CUEDC1: variants seen among roughly 807,000 people sequenced by gnomAD.
CUEDC1 encodes the protein CUE domain containing 1, also known as CUE domain-containing protein 1.
In CUEDC1, 30 loss-of-function variants were observed where a neutral mutation model predicts 43.7. The observed-to-expected ratio is 0.69, with a 90% CI of 0.51 to 0.93. The LOEUF (loss-of-function observed/expected upper bound fraction) is 0.93, where lower values mean the gene tolerates loss of function less well. CUEDC1 is among the 40% of genes least tolerant of loss of function. The pLI, the probability that CUEDC1 is intolerant of heterozygous loss-of-function variation, is 0.00. For missense variants in CUEDC1, 486 were observed against 549.0 expected, an observed-to-expected ratio of 0.89 and a Z score of 1.15; for synonymous variants, 223 against 223.6, an observed-to-expected ratio of 1.00 and a Z score of 0.02.
intron 1 of CUEDC1, among the ~76,000 whole-genome samples, chr17:57,891,740 C>A (rs930874992): frequency 6.6e-6 from 1 of 152,204 alleles, no homozygotes; most frequent in Non-Finnish European, 1.5e-5. Context: ...CCAACTGCTA[C>A]GTTCTGCTCC....
intron 1 of CUEDC1, among the ~76,000 whole-genome samples, chr17:57,939,846 C>T (rs542724755): frequency 6.6e-6 from 1 of 152,262 alleles, no homozygotes; most frequent in Admixed American, 6.5e-5. Context: ...GGGGCCATAC[C>T]ACCTGGTGCA....
At chr17:57,935,694 T>G (rs1040612015) in intron 1 of CUEDC1, among the ~76,000 whole-genome samples, 1 of 151,862 alleles carries the variant, frequency 6.6e-6, no homozygotes, top group Non-Finnish European at 1.5e-5. Flanking sequence ...TTACCCCGGG[T>G]GCAGCCAGGG....
chr17:57,884,018 C>T (rs1007866921), intron 2 of CUEDC1, among the ~76,000 whole-genome samples: 5 of 152,020 alleles, frequency 3.3e-5, no homozygotes, highest in African/African-American at 1.2e-4. Context: ...CAGGTGGGTA[C>T]TGATGCAGTA....
At chr17:57,895,866 C>G (rs1370441384) in intron 1 of CUEDC1, among the ~76,000 whole-genome samples, 1 of 152,224 alleles carries the variant, frequency 6.6e-6, no homozygotes, top group Non-Finnish European at 1.5e-5. Flanking sequence ...TGAGCTCATA[C>G]TGGACCAGGC....
intron 1 of CUEDC1, among the ~76,000 whole-genome samples, chr17:57,891,830 C>G (rs1404046804): frequency 1.3e-5 from 2 of 152,194 alleles, no homozygotes; most frequent in Non-Finnish European, 2.9e-5. Flanking sequence ...AAGTCCACCC[C>G]CCAACATCCC....
At chr17:57,882,990 C>A (rs1403888453) in intron 2 of CUEDC1, among the ~76,000 whole-genome samples, 3 of 152,054 alleles carry the variant, frequency 2.0e-5, no homozygotes, top group Non-Finnish European at 4.4e-5. Context: ...GGATTCACTG[C>A]CCCTAACCCC....
intron 1 of CUEDC1, among the ~76,000 whole-genome samples, chr17:57,939,999 A>G (rs922954546): frequency 4.0e-5 from 6 of 151,200 alleles, no homozygotes; most frequent in African/African-American, 1.5e-4. Flanking sequence ...CAATTCCCCT[A>G]TGGCTTCAAA....
intron 2 of CUEDC1, among the ~76,000 whole-genome samples, chr17:57,882,493 C>G (rs1232233722): frequency 1.3e-5 from 2 of 152,198 alleles, no homozygotes; most frequent in African/African-American, 4.8e-5. Flanking sequence ...ACCTGCCAGA[C>G]TGTCAGGGCA....
Position 57,885,704 on chromosome 17 carries a change from A to G in CUEDC1, c.-140T>C. 3 of 1,278,680 alleles carry G rather than the reference A, an allele frequency of 2.3e-6. No individual in the cohort carries two copies. Among genetic ancestry groups the G allele is most frequent in the Non-Finnish European group, 3.0e-6 (3 of 1,008,886 alleles). 79.2% of individuals were successfully genotyped at this position (1,278,680 alleles called of 1,614,324 possible). A position where few individuals can be genotyped will look rare whatever the true frequency, so the allele number is the denominator to read the frequency against. On this transcript the variant is annotated 5_prime_UTR_variant, in exon 2 of 11. Coordinates refer to ENST00000577830, the MANE Select transcript of CUEDC1 (RefSeq NM_001271875.2). ...CCTCCTCCTCCCCGGGTAGCCAGGC[A>G]GCAATGGGCTGCCAAGAGCTCCGGG...
chr17:57,865,058 AAATG>A (rs140245915), intron 10 of CUEDC1, among the ~76,000 whole-genome samples: 22,809 of 151,590 alleles, frequency 0.15, 1,857 homozygotes, highest in South Asian at 0.2. Flanking sequence ...CTCTGTCTCA[AAATG>A]AATGAATGAA....
intron 1 of CUEDC1, among the ~76,000 whole-genome samples, chr17:57,926,074 G>A (rs1476400765): frequency 6.6e-6 from 1 of 152,210 alleles, no homozygotes; most frequent in African/African-American, 2.4e-5. Context: ...GGGATAACTA[G>A]AGAACTTCCT....
intron 2 of CUEDC1, among the ~76,000 whole-genome samples, chr17:57,881,707 G>A (rs1223710274): frequency 6.6e-6 from 1 of 152,170 alleles, no homozygotes; most frequent in African/African-American, 2.4e-5. Flanking sequence ...GCTGCTTGGG[G>A]TTTCCCCTGA....
chr17:57,861,803 A>ACCCCC lies in CUEDC1; in HGVS notation c.*1481_*1485dup, dbSNP rs142325588. 4 of 131,348 alleles carry ACCCCC rather than the reference A, an allele frequency of 3.0e-5. No homozygotes were observed. Among genetic ancestry groups the ACCCCC allele is most frequent in the African/African-American group, 8.3e-5 (3 of 36,010 alleles). The allele number at this position is 131,348 out of a possible 1,614,324, so 8.1% of individuals were successfully genotyped here. A position where few individuals can be genotyped will look rare whatever the true frequency, so the allele number is the denominator to read the frequency against. On this transcript the variant is annotated 3_prime_UTR_variant, in exon 11 of 11. Coordinates refer to ENST00000577830, the MANE Select transcript of CUEDC1 (RefSeq NM_001271875.2). ...TGGGGTACCGAGGCACTCCTCGGAGACCCCCCCCCCTCCCTCCAGGGCCCC... is the reference window on the plus strand; with the variant it reads ...TGGGGTACCGAGGCACTCCTCGGAGACCCCCCCCCCCCCCCTCCCTCCAGGGCCCC...
At chr17:57,881,075 C>T (rs889960318) in intron 2 of CUEDC1, among the ~76,000 whole-genome samples, 2 of 152,238 alleles carry the variant, frequency 1.3e-5, no homozygotes, top group African/African-American at 4.8e-5. Flanking sequence ...GGCCAGGCCT[C>T]ACTGGTACAT....
intron 1 of CUEDC1, among the ~76,000 whole-genome samples, chr17:57,886,766 GT>G (rs1317930095): frequency 6.8e-6 from 1 of 148,106 alleles, no homozygotes; most frequent in Admixed American, 6.7e-5. Context: ...AATTCTAGAA[GT>G]TTTTTCTCAA....
intron 1 of CUEDC1, among the ~76,000 whole-genome samples, chr17:57,947,015 G>A (rs1448401077): frequency 6.6e-6 from 1 of 151,996 alleles, no homozygotes; most frequent in African/African-American, 2.4e-5. Context: ...CCAGCTGTGG[G>A]TACAGCCTGA....
At chr17:57,901,156 C>T (rs1265300844) in intron 1 of CUEDC1, among the ~76,000 whole-genome samples, 1 of 152,180 alleles carries the variant, frequency 6.6e-6, no homozygotes, top group African/African-American at 2.4e-5. Context: ...ACTAACTAGC[C>T]AAGTGACCTC....
intron 1 of CUEDC1, among the ~76,000 whole-genome samples, chr17:57,922,231 C>T (rs2074704921): frequency 6.6e-6 from 1 of 152,114 alleles, no homozygotes; most frequent in Non-Finnish European, 1.5e-5. Flanking sequence ...CTCATATAGC[C>T]GGCTTAAAAC....
chr17:57,875,985 C>T (rs1257225032), intron 3 of CUEDC1, among the ~76,000 whole-genome samples: 2 of 152,140 alleles, frequency 1.3e-5, no homozygotes, highest in Non-Finnish European at 2.9e-5. Flanking sequence ...CGGGGTGGCC[C>T]TGCCTCTCTG....
Sources: allele counts gnomAD v4.1 joint callset (sites outside exome capture counted in the v4.1 genomes callset), GRCh38; gene constraint gnomAD v4.1.1; transcripts MANE v1.5; gene names NCBI Gene and HGNC (gene_info 2026-07-23, HGNC 2026-07-21).